Variants in ITGAE observed in about 807,000 individuals in gnomAD.
ITGAE encodes the protein integrin alpha-E.
ITGAE carries 99 observed loss-of-function variants against 136.5 expected under a neutral mutation model. The ratio of observed to expected loss-of-function variants is 0.73; its 90% CI spans 0.62 to 0.86. The LOEUF is 0.86. ITGAE is among the 40% of genes least tolerant of loss of function. The probability of loss-of-function intolerance (pLI) is 0.00; values close to 1 mark genes in which losing one functional copy is unlikely to be tolerated. For missense variants in ITGAE, 1,447 were observed against 1,515.3 expected, an observed-to-expected ratio of 0.95 and a Z score of 0.75; for synonymous variants, 613 against 591.8, an observed-to-expected ratio of 1.04 and a Z score of -0.52.
chr17:3,749,238 G>C (rs1890919595), intron 16 of ITGAE, among the ~76,000 whole-genome samples: 1 of 151,448 alleles, frequency 6.6e-6, no homozygotes, highest in African/African-American at 2.4e-5. Flanking sequence ...AGGGTGGGGG[G>C]AGATAAAAGC....
rs758293222 is a variant in ITGAE, at chr17:3,731,145, G to A, written c.2793C>T (p.Ala931=). Residue 931 remains alanine, a synonymous_variant, in exon 23 of 31, where the codon GCC becomes GCT. Transcript: ENST00000263087. The part of the protein sequence containing the change: ...VSVVWQLEEN[A]FPNRTADITV... ...TGATGTCTGCTGTCCTGTTTGGAAA[G>A]GCATTCTCCTCTAGCTGCCAAACGA... 23 of 1,613,736 alleles carry A rather than the reference G, an allele frequency of 1.4e-5. No homozygotes were observed. Among genetic ancestry groups the A allele is most frequent in the Non-Finnish European group, 1.9e-5 (23 of 1,179,810 alleles).
intron 1 of ITGAE, among the ~76,000 whole-genome samples, chr17:3,778,522 C>T (rs1254488866): frequency 1.2e-4 from 19 of 152,168 alleles, no homozygotes; most frequent in African/African-American, 4.6e-4. Context: ...GAGATTGCAC[C>T]GCTGCACTCC....
At chr17:3,794,927 C>A (rs1040208149) in intron 1 of ITGAE, among the ~76,000 whole-genome samples, 1 of 144,746 alleles carries the variant, frequency 6.9e-6, no homozygotes, top group African/African-American at 2.9e-5. Flanking sequence ...GTCCGTGGCA[C>A]CCCCCCGCTC....
At position 3,767,349 on chromosome 17, in the gene ITGAE, C is replaced by T. The variant is rs574691533; in HGVS notation, c.156-3389G>A. 1.2e-4 allele frequency among the ~76,000 whole-genome samples: 18 copies of T among 152,198 alleles called. No individual in the cohort carries two copies. The South Asian group carries it at 2.7e-3, about 23-fold the overall frequency. On this transcript the variant is annotated intron_variant, in intron 2 of 30. Coordinates refer to ENST00000263087, the MANE Select transcript of ITGAE (RefSeq NM_002208.5). ...CTGACCTCAGGTGATCCACTCACTT[C>T]GGCCTCCCAAATTGCTGGGATTACA... is the stretch of plus-strand genomic sequence containing the variant.
chr17:3,729,425 C>T (rs953530233), intron 24 of ITGAE, 53 bp downstream of exon 24: 1 of 1,115,776 alleles, frequency 9.0e-7, no homozygotes, highest in African/African-American at 1.5e-5. Flanking sequence ...GAGCCCAAAG[C>T]TGCCCCCTGG....
At chr17:3,774,590 C>A (rs1010701941) in intron 2 of ITGAE, among the ~76,000 whole-genome samples, 7 of 152,144 alleles carry the variant, frequency 4.6e-5, no homozygotes, top group African/African-American at 7.2e-5. Flanking sequence ...GTGGCGAAAC[C>A]CTGTTTCTAC....
chr17:3,759,211 C>T (rs1427096679), intron 8 of ITGAE, among the ~76,000 whole-genome samples, 191 bp downstream of exon 8: 2 of 151,924 alleles, frequency 1.3e-5, no homozygotes, highest in Non-Finnish European at 2.9e-5. Context: ...CTGCATCTCA[C>T]AAGAGGAAGT....
intron 14 of ITGAE, among the ~76,000 whole-genome samples, chr17:3,752,100 T>C (rs561383134): frequency 2.0e-5 from 3 of 146,952 alleles, no homozygotes; most frequent in Admixed American, 2.0e-4. Flanking sequence ...CTCGCTGGGC[T>C]GGTGGGTGCC....
chr17:3,732,220 G>T (rs913699679), intron 22 of ITGAE, 148 bp downstream of exon 22: 4 of 663,848 alleles, frequency 6.0e-6, no homozygotes, highest in Non-Finnish European at 8.0e-6. Flanking sequence ...TACTTTCAGA[G>T]CCAGCTTAGC....
Position 3,759,418 on chromosome 17 carries a change from C to T in ITGAE, c.850G>A (p.Ala284Thr). 1 of 1,613,994 alleles carries T rather than the reference C, an allele frequency of 6.2e-7. No homozygotes were observed. Among genetic ancestry groups the T allele is most frequent in the Non-Finnish European group, 8.5e-7 (1 of 1,179,862 alleles). ...QVGSVTKTAS[A>T]MQHVLDSIFT... Reference sequence around the variant, plus strand: ...CACACTCACAAGACGTGTTGCATGGCTGAGGCAGTCTTGGTGACACTCCCC... The same window carrying T: ...CACACTCACAAGACGTGTTGCATGGTTGAGGCAGTCTTGGTGACACTCCCC... The change falls in exon 8 of 31, where the codon GCC becomes ACC. Residue 284 changes from alanine to threonine, a missense_variant. By Grantham distance (58) the Ala-to-Thr change is moderately conservative (BLOSUM62 0). Coordinates refer to ENST00000263087, the MANE Select transcript of ITGAE (RefSeq NM_002208.5).
At chr17:3,728,517 C>T (rs1387784027) in intron 24 of ITGAE, 7 of 189,246 alleles carry the variant, frequency 3.7e-5, no homozygotes, top group East Asian at 1.3e-4. Flanking sequence ...AGATTACAGG[C>T]GCCTGCCACC....
chr17:3,761,756 G>A (rs1004508195), intron 4 of ITGAE, among the ~76,000 whole-genome samples, 159 bp downstream of exon 4: 1 of 152,194 alleles, frequency 6.6e-6, no homozygotes, highest in Non-Finnish European at 1.5e-5. Context: ...GTATCAGGGT[G>A]GTCAGAGCTA....
chr17:3,796,128 T>C (rs1376248172), intron 1 of ITGAE, among the ~76,000 whole-genome samples: 1 of 123,572 alleles, frequency 8.1e-6, no homozygotes, highest in Non-Finnish European at 1.8e-5. Context: ...TCCCTGTGTG[T>C]GCATCCATGT....
At chr17:3,772,231 G>A (rs918631629) in intron 2 of ITGAE, among the ~76,000 whole-genome samples, 1 of 151,996 alleles carries the variant, frequency 6.6e-6, no homozygotes, top group Non-Finnish European at 1.5e-5. Flanking sequence ...CCCGTACCTC[G>A]GACGTCCCCC....
chr17:3,750,564 C>A, intron 15 of ITGAE, 82 bp from the exon 16 acceptor site: 2 of 1,516,512 alleles, frequency 1.3e-6, no homozygotes, highest in Admixed American at 1.8e-5. Context: ...CTATCCCGAT[C>A]AGCATCGCAG....
intron 26 of ITGAE, among the ~76,000 whole-genome samples, chr17:3,727,099 A>T (rs957742738): frequency 6.7e-6 from 1 of 150,018 alleles, no homozygotes; most frequent in Non-Finnish European, 1.5e-5. Flanking sequence ...GAGCCTTAAC[A>T]CTTATGTAGT....
chr17:3,723,864 G>C (rs2051126556), intron 26 of ITGAE, 120 bp from the exon 27 acceptor site: 1 of 1,515,746 alleles, frequency 6.6e-7, no homozygotes, highest in South Asian at 1.3e-5. Flanking sequence ...GGACCCCGCG[G>C]CAGGCGGGCG....
chr17:3,720,045 A>T (rs537081232), intron 29 of ITGAE, among the ~76,000 whole-genome samples: 1 of 152,018 alleles, frequency 6.6e-6, no homozygotes, highest in African/African-American at 2.4e-5. Context: ...TTTTTTTTTA[A>T]TCAATCCATT....
chr17:3,741,938 A>G (rs528840612), intron 19 of ITGAE, among the ~76,000 whole-genome samples: 3 of 152,270 alleles, frequency 2.0e-5, no homozygotes, highest in Non-Finnish European at 4.4e-5. Context: ...TTAGCCGAGC[A>G]TGGTGATACA....
Sources: gnomAD v4.1 joint callset for allele counts (sites outside exome capture counted in the v4.1 genomes callset) on GRCh38, gnomAD v4.1.1 for gene constraint, MANE v1.5 for transcripts, NCBI Gene and HGNC (gene_info 2026-07-23, HGNC 2026-07-21) for gene names.